Variants in RXFP1 observed in about 807,000 individuals in gnomAD.
RXFP1 encodes the protein relaxin family peptide receptor 1, also known as relaxin receptor 1.
Under a neutral mutation model 89.8 loss-of-function variants are expected in RXFP1, and 73 were observed. The ratio of observed to expected loss-of-function variants is 0.81; its 90% CI spans 0.67 to 0.99. The LOEUF is 0.99. Ranked by LOEUF, RXFP1 falls within the 50% of genes least tolerant of loss-of-function variation. The probability of loss-of-function intolerance (pLI) is 0.00; values close to 1 mark genes in which losing one functional copy is unlikely to be tolerated. For synonymous variants in RXFP1, 277 were observed against 305.5 expected, an observed-to-expected ratio of 0.91 and a Z score of 0.97; for missense variants, 793 against 895.5, an observed-to-expected ratio of 0.89 and a Z score of 1.46.
chr4:158,649,584 C>G (rs1167469438), intron 17 of RXFP1, among the ~76,000 whole-genome samples: 1 of 151,996 alleles, frequency 6.6e-6, no homozygotes, highest in Non-Finnish European at 1.5e-5. Context: ...GCACTCCCGT[C>G]TGGGTGACAG....
chr4:158,596,519 C>T (rs1425902047), intron 3 of RXFP1, among the ~76,000 whole-genome samples: 3 of 152,108 alleles, frequency 2.0e-5, no homozygotes, highest in East Asian at 1.9e-4. Flanking sequence ...CTCAGCCTCC[C>T]GAAGTGCTGG....
intron 1 of RXFP1, among the ~76,000 whole-genome samples, chr4:158,546,727 T>C (rs1026524333): frequency 6.6e-6 from 1 of 152,070 alleles, no homozygotes; most frequent in Non-Finnish European, 1.5e-5. Context: ...TTGTCTTTGG[T>C]TCTGTTTATA....
At chr4:158,607,933 T>G (rs774523459) in intron 5 of RXFP1, 39 bp from the exon 6 acceptor site, 10 of 1,367,768 alleles carry the variant, frequency 7.3e-6, no homozygotes, top group Admixed American at 3.6e-5. Flanking sequence ...AGTGAAACTC[T>G]GCTTCATTTT....
At chr4:158,625,730 T>C (rs1308331794) in intron 9 of RXFP1, among the ~76,000 whole-genome samples, 1 of 152,128 alleles carries the variant, frequency 6.6e-6, no homozygotes, top group Non-Finnish European at 1.5e-5. Context: ...ATTAATACTT[T>C]CCATGTTTCC....
At chr4:158,593,334 G>A (rs2150068905) in intron 2 of RXFP1, 67 bp from the exon 3 acceptor site, 1 of 903,428 alleles carries the variant, frequency 1.1e-6, no homozygotes, top group Non-Finnish European at 1.8e-6. Context: ...GAGAGGACCT[G>A]TCTCCCCACA....
chr4:158,531,507 G>T (rs534047872), intron 1 of RXFP1, among the ~76,000 whole-genome samples: 4 of 152,278 alleles, frequency 2.6e-5, no homozygotes, highest in African/African-American at 7.2e-5. Flanking sequence ...ATTTTTTCAG[G>T]AGAATCCACC....
intron 1 of RXFP1, among the ~76,000 whole-genome samples, chr4:158,534,410 G>A (rs563626035): frequency 6.6e-6 from 1 of 151,944 alleles, no homozygotes. Context: ...ACCACACCCA[G>A]CTAATTTTGT....
intron 14 of RXFP1, among the ~76,000 whole-genome samples, chr4:158,643,933 C>G (rs1174477859): frequency 2.6e-5 from 4 of 151,996 alleles, no homozygotes; most frequent in African/African-American, 9.7e-5. Context: ...AGCCATCCAT[C>G]CAACGTTGGA....
intron 1 of RXFP1, among the ~76,000 whole-genome samples, chr4:158,549,830 C>A (rs1443527787): frequency 6.6e-6 from 1 of 152,196 alleles, no homozygotes; most frequent in Non-Finnish European, 1.5e-5. Context: ...CAGAGGAGTA[C>A]CCGGCCGTGT....
intron 15 of RXFP1, chr4:158,646,160 TA>T: frequency 3.4e-6 from 1 of 291,726 alleles, no homozygotes; most frequent in South Asian, 3.1e-5. Context: ...TCGGAGACCC[TA>T]AAAAGAGACA....
chr4:158,553,092 G>A (rs1282216872), intron 1 of RXFP1, among the ~76,000 whole-genome samples: 1 of 152,104 alleles, frequency 6.6e-6, no homozygotes, highest in Non-Finnish European at 1.5e-5. Flanking sequence ...GGGAGGCTGG[G>A]GTGGGAGGAT....
At chr4:158,604,123 TCAC>T (rs1251924101) in intron 4 of RXFP1, among the ~76,000 whole-genome samples, 1 of 152,026 alleles carries the variant, frequency 6.6e-6, no homozygotes. Flanking sequence ...GAAGGATTCA[TCAC>T]CAAGTTTAAG....
At chr4:158,559,074 T>C (rs1011408735) in intron 1 of RXFP1, among the ~76,000 whole-genome samples, 1 of 152,250 alleles carries the variant, frequency 6.6e-6, no homozygotes, top group Admixed American at 6.5e-5. Flanking sequence ...TACACTGTGT[T>C]AAAATTTTTA....
At chr4:158,542,109 A>ATATATTTT in intron 1 of RXFP1, among the ~76,000 whole-genome samples, 35 of 35,216 alleles carry the variant, frequency 9.9e-4, no homozygotes, top group East Asian at 8.6e-3. Context: ...ATATATATAT[A>ATATATTTT]TTTTTTTTTT....
chr4:158,645,719 A>G (rs1771403239), intron 15 of RXFP1, among the ~76,000 whole-genome samples: 1 of 152,138 alleles, frequency 6.6e-6, no homozygotes, highest in Non-Finnish European at 1.5e-5. Context: ...AGTCCTCAGG[A>G]TGTTTGTAGT....
chr4:158,545,459 T>C (rs1748065527), intron 1 of RXFP1, among the ~76,000 whole-genome samples: 1 of 152,230 alleles, frequency 6.6e-6, no homozygotes, highest in Non-Finnish European at 1.5e-5. Context: ...TTTAATTATA[T>C]CCTGTTTGTC....
intron 1 of RXFP1, among the ~76,000 whole-genome samples, chr4:158,538,787 A>G (rs540172359): frequency 6.6e-6 from 1 of 150,694 alleles, no homozygotes; most frequent in Non-Finnish European, 1.5e-5. Flanking sequence ...CTGGGCAACA[A>G]GAGTGAAATG....
chr4:158,580,161 G>C (rs1311599151), intron 2 of RXFP1, among the ~76,000 whole-genome samples: 2 of 152,092 alleles, frequency 1.3e-5, no homozygotes, highest in Non-Finnish European at 2.9e-5. Flanking sequence ...AATTTTGGAG[G>C]GCTCTAAACA....
chr4:158,621,099 T>C (rs1303594501), intron 9 of RXFP1, among the ~76,000 whole-genome samples: 1 of 151,890 alleles, frequency 6.6e-6, no homozygotes, highest in Non-Finnish European at 1.5e-5. Context: ...GATCACACCA[T>C]TGCACTCCCG....
Sources: allele counts gnomAD v4.1 joint callset (sites outside exome capture counted in the v4.1 genomes callset), GRCh38; gene constraint gnomAD v4.1.1; transcripts MANE v1.5; gene names NCBI Gene and HGNC (gene_info 2026-07-23, HGNC 2026-07-21).